The following CFAP61 variants were observed in gnomAD, a reference collection of about 807,000 sequenced individuals.
The protein encoded by CFAP61 is cilia and flagella associated protein 61, also known as cilia- and flagella-associated protein 61.
Under a neutral mutation model 135.6 loss-of-function variants are expected in CFAP61, and 107 were observed. The ratio of observed to expected loss-of-function variants is 0.79; its 90% CI spans 0.67 to 0.93. The LOEUF is 0.93. Ranked by LOEUF, CFAP61 falls within the 40% of genes least tolerant of loss-of-function variation. The pLI, the probability that CFAP61 is intolerant of heterozygous loss-of-function variation, is 0.00. For missense variants in CFAP61, 1,507 were observed against 1,556.2 expected (o/e 0.97, Z 0.53); for synonymous variants, 575 against 578.5 (o/e 0.99, Z 0.09).
chr20:20,217,510 G>T (rs538165893), intron 17 of CFAP61, among the ~76,000 whole-genome samples: 1 of 152,340 alleles, frequency 6.6e-6, no homozygotes, highest in Admixed American at 6.5e-5. Flanking sequence ...TAGCAAGATT[G>T]AAAAGTTGTA....
intron 8 of CFAP61, among the ~76,000 whole-genome samples, chr20:20,104,442 TG>T (rs2048238911): frequency 6.6e-6 from 1 of 152,194 alleles, no homozygotes; most frequent in Admixed American, 6.5e-5. Context: ...TCTTATTGAT[TG>T]TGTATTAAAT....
chr20:20,069,712 T>C (rs1209198053), intron 2 of CFAP61: 2 of 455,972 alleles, frequency 4.4e-6, no homozygotes, highest in African/African-American at 4.0e-5. Flanking sequence ...AAAGTGATTT[T>C]CCAAATTATT....
At position 20,199,649 on chromosome 20, in the gene CFAP61, T is replaced by C. The variant is rs1022327112; in HGVS notation, c.1798-119T>C. ...GTATGTTTGTTTATTTGCTGATTTTTTTTTTTCCTCTCTGACTTGGCCGAG... is the reference window on the plus strand; with the variant it reads ...GTATGTTTGTTTATTTGCTGATTTTCTTTTTTCCTCTCTGACTTGGCCGAG... On this transcript the variant is annotated intron_variant, in intron 16 of 26. Transcript: ENST00000245957. 26 of 1,078,846 alleles carry C rather than the reference T, an allele frequency of 2.4e-5. No individual in the cohort carries two copies. The Admixed American group carries it at 5.9e-4, about 25-fold the overall frequency. 66.8% of individuals were successfully genotyped at this position (1,078,846 alleles called of 1,614,324 possible). A position where few individuals can be genotyped will look rare whatever the true frequency, so the allele number is the denominator to read the frequency against.
chr20:20,088,042 T>G (rs964116311), intron 6 of CFAP61, among the ~76,000 whole-genome samples: 3 of 152,118 alleles, frequency 2.0e-5, no homozygotes, highest in Admixed American at 6.5e-5. Context: ...TGAAATAGCT[T>G]GAAAAATGAC....
Position 20,251,736 on chromosome 20 carries a change from C to A in CFAP61, c.2301C>A (p.Leu767=), listed in dbSNP as rs113279692. The A allele has an allele frequency of 5.5e-5, 89 of 1,613,942 alleles. No homozygotes were observed. In the African/African-American group the frequency reaches 1.0e-3, roughly 19 times the overall value. The change falls in exon 20 of 27, where the codon CTC becomes CTA. Residue 767 remains leucine, a synonymous_variant. Coordinates refer to ENST00000245957, the MANE Select transcript of CFAP61 (RefSeq NM_015585.4). ...ACGAGATCGTGCCCTACGACCACCT[C>A]ATCCTCTGCACCGGGCAGCAGTACC... ...STDEIVPYDH[L]ILCTGQQYQV... is the part of the protein sequence containing the mutation.
chr20:20,246,267 G>C (rs1450866193), intron 19 of CFAP61, 52 bp downstream of exon 19: 1 of 1,110,262 alleles, frequency 9.0e-7, no homozygotes, highest in Admixed American at 1.7e-5. Context: ...CCTACTCTGT[G>C]TGCAGTCTAT....
At chr20:20,298,783 G>GT (rs2055839784) in intron 25 of CFAP61, among the ~76,000 whole-genome samples, 1 of 152,188 alleles carries the variant, frequency 6.6e-6, no homozygotes, top group Non-Finnish European at 1.5e-5. Context: ...ATGGGACGGG[G>GT]TGTTTGTGAC....
intron 8 of CFAP61, among the ~76,000 whole-genome samples, chr20:20,124,733 T>C (rs1402508939): frequency 3.3e-5 from 5 of 151,790 alleles, no homozygotes; most frequent in Non-Finnish European, 7.4e-5. Flanking sequence ...GGTTCATCCA[T>C]AGAATGAATT....
At chr20:20,179,552 G>A (rs751289174) in intron 13 of CFAP61, among the ~76,000 whole-genome samples, 12 of 152,046 alleles carry the variant, frequency 7.9e-5, no homozygotes, top group South Asian at 2.1e-4. Flanking sequence ...ATATGGACCC[G>A]AGAAAGAGCC....
rs1321231056 is a variant in CFAP61, at chr20:20,075,630, A to G, written c.566+15A>G. On this transcript the variant is annotated intron_variant, in intron 6 of 26. Coordinates refer to ENST00000245957, the MANE Select transcript of CFAP61 (RefSeq NM_015585.4). ...CGCAAAGCCAGGTACAGTTGGAGTC[A>G]TGCCTTGTGTGACCTAAGCTTCACT... The G allele has an allele frequency of 1.9e-6, 3 of 1,612,902 alleles. No homozygotes were observed. Among genetic ancestry groups the G allele is most frequent in the Non-Finnish European group, 2.5e-6 (3 of 1,179,042 alleles).
chr20:20,054,414 T>TAC (rs371567134), intron 1 of CFAP61, among the ~76,000 whole-genome samples: 2,248 of 151,444 alleles, frequency 0.015, 21 homozygotes, highest in South Asian at 0.072. Context: ...TATATATATA[T>TAC]ACACACACAC....
At chr20:20,108,658 C>A (rs767233150) in intron 8 of CFAP61, among the ~76,000 whole-genome samples, 2 of 152,268 alleles carry the variant, frequency 1.3e-5, no homozygotes, top group African/African-American at 2.4e-5. Context: ...AATAGAGCAA[C>A]GCTTTTATTT....
intron 25 of CFAP61, among the ~76,000 whole-genome samples, chr20:20,304,244 AG>A (rs1191936143): frequency 2.6e-5 from 4 of 151,226 alleles, no homozygotes; most frequent in South Asian, 2.1e-4. Context: ...CACTGAAGAG[AG>A]AGACAGAACT....
At chr20:20,091,049 T>A (rs2047163373) in intron 7 of CFAP61, 73 bp downstream of exon 7, 2 of 1,544,384 alleles carry the variant, frequency 1.3e-6, no homozygotes, top group East Asian at 4.5e-5. Flanking sequence ...GCTCTTGCGT[T>A]GCTGGGCACC....
In CFAP61 at chr20:20,293,812, A is replaced by T. The variant is rs560222330; in HGVS notation, c.3216+3421A>T. 7.9e-5 allele frequency among the ~76,000 whole-genome samples: 12 copies of T among 152,314 alleles called. 1 individual carries two copies. The highest frequency in any genetic ancestry group is 2.9e-4 in the African/African-American group (12 of 41,576). ...TTGTTGGCGTATATACCATGGAAGA[A>T]AGAAATTTGTCACAACAAATTCTGC... On this transcript the variant is annotated intron_variant, in intron 24 of 26. Coordinates refer to ENST00000245957, the MANE Select transcript of CFAP61 (RefSeq NM_015585.4).
In CFAP61 at chr20:20,169,277, T is replaced by A. The variant is rs906136879; in HGVS notation, c.1246-44T>A. 4 of 1,538,506 alleles carry A rather than the reference T, an allele frequency of 2.6e-6. No individual in the cohort carries two copies. In the South Asian group the frequency reaches 3.7e-5, roughly 14 times the overall value. ...TTAGAGGAATTTGTTTTTTGATTAATTTTTTTTATTCTTTCTCTGTGTCCT... is the reference window on the plus strand; with the variant it reads ...TTAGAGGAATTTGTTTTTTGATTAAATTTTTTTATTCTTTCTCTGTGTCCT... On this transcript the variant is annotated intron_variant, in intron 12 of 26. Transcript: ENST00000245957.
chr20:20,200,946 G>T (rs1325407014), intron 17 of CFAP61: 2 of 985,282 alleles, frequency 2.0e-6, no homozygotes, highest in African/African-American at 1.7e-5. Context: ...AGGCAGCTTT[G>T]TGTCTTACAT....
chr20:20,086,310 T>G, intron 6 of CFAP61, among the ~76,000 whole-genome samples: 1 of 87,112 alleles, frequency 1.1e-5, no homozygotes. Context: ...ATGCTATCCC[T>G]CCCCCCTCCC....
chr20:20,339,169 G>C (rs545877781), intron 25 of CFAP61, among the ~76,000 whole-genome samples: 1 of 152,280 alleles, frequency 6.6e-6, no homozygotes, highest in Admixed American at 6.5e-5. Context: ...ATTTCTAGAC[G>C]GCAGGCTGTG....
Sources: allele counts gnomAD v4.1 joint callset (sites outside exome capture counted in the v4.1 genomes callset), GRCh38; gene constraint gnomAD v4.1.1; transcripts MANE v1.5; gene names NCBI Gene and HGNC (gene_info 2026-07-23, HGNC 2026-07-21).